The following FYN variants were observed in gnomAD, a reference collection of about 807,000 sequenced individuals.
FYN encodes the protein FYN proto-oncogene, Src family tyrosine kinase.
In FYN, 10 loss-of-function variants were observed where a neutral mutation model predicts 70.2. The ratio of observed to expected loss-of-function variants is 0.14; its 90% CI spans 0.09 to 0.24. FYN has a LOEUF of 0.24. FYN is among the 10% of genes least tolerant of loss of function. The probability of loss-of-function intolerance (pLI) is 1.00; values close to 1 mark genes in which losing one functional copy is unlikely to be tolerated. For synonymous variants in FYN, 236 were observed against 248.6 expected, an observed-to-expected ratio of 0.95 and a Z score of 0.48; for missense variants, 319 against 673.1, an observed-to-expected ratio of 0.47 and a Z score of 5.82.
intron 9 of FYN, among the ~76,000 whole-genome samples, chr6:111,699,002 G>A (rs765987090): frequency 1.3e-5 from 2 of 152,184 alleles, no homozygotes; most frequent in South Asian, 2.1e-4. Flanking sequence ...AGAATCACTC[G>A]AACCTGGGAG....
At chr6:111,781,537 C>T (rs141675219) in intron 2 of FYN, among the ~76,000 whole-genome samples, 9 of 152,258 alleles carry the variant, frequency 5.9e-5, no homozygotes, top group South Asian at 2.1e-4. Flanking sequence ...ATTTACCTGT[C>T]GAGTCATGTT....
At chr6:111,822,579 T>C (rs1186012998) in intron 2 of FYN, among the ~76,000 whole-genome samples, 1 of 151,798 alleles carries the variant, frequency 6.6e-6, no homozygotes, top group Non-Finnish European at 1.5e-5. Context: ...TGTATACATA[T>C]GTAACAAACC....
At chr6:111,707,059 T>C (rs1157186090) in intron 6 of FYN, among the ~76,000 whole-genome samples, 1 of 152,186 alleles carries the variant, frequency 6.6e-6, no homozygotes, top group Non-Finnish European at 1.5e-5. Flanking sequence ...AACAAATCCA[T>C]GGTGAAATTA....
intron 1 of FYN, among the ~76,000 whole-genome samples, chr6:111,853,791 A>C (rs1773750121): frequency 6.6e-6 from 1 of 152,074 alleles, no homozygotes; most frequent in Non-Finnish European, 1.5e-5. Flanking sequence ...GCTAATTTTC[A>C]AATTTTTTGT....
intron 3 of FYN, among the ~76,000 whole-genome samples, chr6:111,762,574 A>G (rs535071973): frequency 9.8e-5 from 15 of 152,316 alleles, no homozygotes; most frequent in African/African-American, 3.6e-4. Flanking sequence ...ACCTGACACT[A>G]GCATAACATC....
chr6:111,761,593 C>G (rs1803007500), intron 3 of FYN, among the ~76,000 whole-genome samples: 1 of 152,074 alleles, frequency 6.6e-6, no homozygotes. Context: ...TTGTGGGGAC[C>G]CTGGAAGATT....
intron 2 of FYN, among the ~76,000 whole-genome samples, chr6:111,796,979 A>G (rs1771823919): frequency 6.6e-6 from 1 of 152,226 alleles, no homozygotes; most frequent in Non-Finnish European, 1.5e-5. Flanking sequence ...ATCATACTTT[A>G]AAACACCCAC....
At position 111,673,622 on chromosome 6, in the gene FYN, G is replaced by GTTTTTTTTTTTTTTTTT. The variant is rs71021858; in HGVS notation, c.1405+860_1405+876dup. ...AATCGTCACTATCGTTTCTATCATTGTTTTTTTTTTTTTTTTTTTCTTTAA... is the reference window on the plus strand; with the variant it reads ...AATCGTCACTATCGTTTCTATCATTGTTTTTTTTTTTTTTTTTTTTTTTTTTTTTTTTTTTTCTTTAA... On this transcript the variant is annotated intron_variant, in intron 13 of 13. Transcript: ENST00000354650. Among the ~76,000 whole-genome samples, 291 of 116,490 alleles carry GTTTTTTTTTTTTTTTTT rather than the reference G, an allele frequency of 2.5e-3. 16 individuals are homozygous for GTTTTTTTTTTTTTTTTT. The highest frequency in any genetic ancestry group is 3.4e-3 in the Non-Finnish European group (201 of 58,438). 76.4% of individuals were successfully genotyped at this position (116,490 alleles called of 152,430 possible). A position where few individuals can be genotyped will look rare whatever the true frequency, so the allele number is the denominator to read the frequency against.
intron 9 of FYN, chr6:111,699,661 T>C: frequency 6.2e-7 from 1 of 1,613,254 alleles, no homozygotes; most frequent in Non-Finnish European, 8.5e-7. Context: ...ACACAAACCA[T>C]CAGCTTTCTC....
At chr6:111,835,046 T>C (rs1455447816) in intron 2 of FYN, among the ~76,000 whole-genome samples, 1 of 152,206 alleles carries the variant, frequency 6.6e-6, no homozygotes. Flanking sequence ...TTAGACAAAA[T>C]AGGAATTTTT....
intron 2 of FYN, among the ~76,000 whole-genome samples, chr6:111,846,268 G>A (rs1393356972): frequency 6.6e-6 from 1 of 152,068 alleles, no homozygotes; most frequent in Admixed American, 6.5e-5. Context: ...CAGCCTGAAG[G>A]CTCCTCAGCC....
At chr6:111,720,333 G>A (rs909862031) in intron 3 of FYN, among the ~76,000 whole-genome samples, 9 of 152,152 alleles carry the variant, frequency 5.9e-5, no homozygotes, top group African/African-American at 1.9e-4. Flanking sequence ...AATAAGGCCT[G>A]TATCTCGTAA....
intron 1 of FYN, among the ~76,000 whole-genome samples, chr6:111,848,362 A>C (rs1311376646): frequency 6.6e-6 from 1 of 152,240 alleles, no homozygotes; most frequent in Admixed American, 6.5e-5. Context: ...AATTCCAACA[A>C]CATAGGATGC....
intron 3 of FYN, among the ~76,000 whole-genome samples, 151 bp from the exon 4 acceptor site, chr6:111,720,213 G>C (rs1334068923): frequency 1.3e-5 from 2 of 152,164 alleles, no homozygotes; most frequent in Non-Finnish European, 2.9e-5. Flanking sequence ...TGGGGAGATG[G>C]TTAGGAGGAA....
intron 8 of FYN, 88 bp downstream of exon 8, chr6:111,702,797 A>G: frequency 7.8e-7 from 1 of 1,276,844 alleles, no homozygotes; most frequent in Non-Finnish European, 1.1e-6. Flanking sequence ...TGTACATATT[A>G]GTTTTACCCC....
chr6:111,810,865 T>A (rs1772302569), intron 2 of FYN, among the ~76,000 whole-genome samples: 1 of 152,248 alleles, frequency 6.6e-6, no homozygotes, highest in African/African-American at 2.4e-5. Context: ...ATCCCATATG[T>A]CAGCAGTCTT....
At chr6:111,765,269 TA>T (rs1388136594) in intron 3 of FYN, among the ~76,000 whole-genome samples, 1 of 152,046 alleles carries the variant, frequency 6.6e-6, no homozygotes, top group Non-Finnish European at 1.5e-5. Context: ...AATGTAACTG[TA>T]TTTGGAGAAG....
intron 12 of FYN, among the ~76,000 whole-genome samples, chr6:111,684,749 A>G (rs972207058): frequency 1.3e-5 from 2 of 152,184 alleles, no homozygotes; most frequent in Non-Finnish European, 2.9e-5. Context: ...GATAACATTA[A>G]TGGGCATCTC....
intron 13 of FYN, among the ~76,000 whole-genome samples, chr6:111,672,611 A>G (rs899384940): frequency 2.6e-5 from 4 of 152,174 alleles, no homozygotes; most frequent in African/African-American, 9.7e-5. Context: ...TTCTTCCTGG[A>G]TTTGATGCAC....
Sources: gnomAD v4.1 joint callset for allele counts (sites outside exome capture counted in the v4.1 genomes callset) on GRCh38, gnomAD v4.1.1 for gene constraint, MANE v1.5 for transcripts, NCBI Gene and HGNC (gene_info 2026-07-23, HGNC 2026-07-21) for gene names.